Variants in OSBPL3 observed in about 807,000 individuals in gnomAD.
OSBPL3 encodes the protein oxysterol binding protein like 3.
A neutral mutation model predicts 120.1 loss-of-function variants in OSBPL3; 65 were observed. That is an observed-to-expected ratio of 0.54 (90% confidence interval 0.44 to 0.67). The LOEUF (loss-of-function observed/expected upper bound fraction) is 0.67, where lower values mean the gene tolerates loss of function less well. OSBPL3 is among the 30% of genes least tolerant of loss of function. The pLI, the probability that OSBPL3 is intolerant of heterozygous loss-of-function variation, is 0.00. For synonymous variants in OSBPL3, 416 were observed against 402.6 expected (o/e 1.03, Z -0.40); for missense variants, 1,004 against 1,082.1 (o/e 0.93, Z 1.01).
chr7:24,875,219 T>G (rs1562868298), intron 2 of OSBPL3, among the ~76,000 whole-genome samples: 1 of 152,240 alleles, frequency 6.6e-6, no homozygotes, highest in African/African-American at 2.4e-5. Flanking sequence ...ACTCTTGGGA[T>G]GTAAGTGCAG....
At position 24,835,622 on chromosome 7, in the gene OSBPL3, AT is replaced by A. The variant is rs1796903478; in HGVS notation, c.1496-887del. Among the ~76,000 whole-genome samples, 1 of 152,192 alleles carries A rather than the reference AT, an allele frequency of 6.6e-6. No homozygotes were observed. The highest frequency in any genetic ancestry group is 2.4e-5 in the African/African-American group (1 of 41,458). On this transcript the variant is annotated intron_variant, in intron 14 of 22. Transcript: ENST00000313367. This position sits in a 1 kb window ranked among gnomAD's most constrained non-coding sequence, Gnocchi z 4.8. The stretch of plus-strand genomic sequence containing the variant: ...TAAAGACGCATGCACGTGTATGTTT[AT>A]CACAGCACTATTCCCAACAGCAAAG...
Position 24,881,694 on chromosome 7 carries a change from T to A in OSBPL3, c.97-9625A>T, listed in dbSNP as rs1803703586. ...TCTTAGATTCCTGAGGCCAACTTGATGAGCAGTCACAAACTTTGGTGGCTT... is the reference window on the plus strand; with the variant it reads ...TCTTAGATTCCTGAGGCCAACTTGAAGAGCAGTCACAAACTTTGGTGGCTT... On this transcript the variant is annotated intron_variant, in intron 2 of 22. Transcript: ENST00000313367. The surrounding 1 kb of genome is among the most constrained non-coding windows in gnomAD (Gnocchi z 4.3). Among the ~76,000 whole-genome samples the A allele has an allele frequency of 1.3e-5, 2 of 152,216 alleles. No homozygotes were observed. The highest frequency in any genetic ancestry group is 1.3e-4 in the Admixed American group (2 of 15,292).
chr7:24,838,524 G>A (rs1797296118), intron 14 of OSBPL3, among the ~76,000 whole-genome samples: 1 of 152,120 alleles, frequency 6.6e-6, no homozygotes, highest in Non-Finnish European at 1.5e-5. Context: ...ATGTTAGTTA[G>A]CATTCTCGCA....
chr7:24,880,239 T>C (rs1803466649), intron 2 of OSBPL3, among the ~76,000 whole-genome samples: 1 of 152,200 alleles, frequency 6.6e-6, no homozygotes, highest in South Asian at 2.1e-4. Flanking sequence ...AATTAGTTTG[T>C]GCAAGATCAC....
At chr7:24,914,720 A>G (rs1809307494) in intron 1 of OSBPL3, among the ~76,000 whole-genome samples, 1 of 152,104 alleles carries the variant, frequency 6.6e-6, no homozygotes, top group African/African-American at 2.4e-5. Context: ...CATTTCCTCT[A>G]TTGTCTGGAT....
At position 24,972,311 on chromosome 7, in the gene OSBPL3, C is replaced by G. The variant is rs1007147495; in HGVS notation, c.-150+7575G>C. Among the ~76,000 whole-genome samples the G allele has an allele frequency of 6.6e-6, 1 of 152,228 alleles. No individual in the cohort carries two copies. The highest frequency in any genetic ancestry group is 2.4e-5 in the African/African-American group (1 of 41,470). On this transcript the variant is annotated intron_variant, in intron 1 of 22. Coordinates refer to ENST00000313367, the MANE Select transcript of OSBPL3 (RefSeq NM_015550.4). The surrounding 1 kb of genome is among the most constrained non-coding windows in gnomAD (Gnocchi z 4.3). ...CAGAAAGACACAAAAGGGCAGGACT[C>G]TGCTCATCTCATCCTCCTTTGAGGA...
rs1275512357 is a variant in OSBPL3 at position 24,877,554 on chromosome 7, T to C, written c.97-5485A>G. 1.3e-5 allele frequency among the ~76,000 whole-genome samples: 2 copies of C among 152,170 alleles called. No individual in the cohort carries two copies. Among genetic ancestry groups the C allele is most frequent in the African/African-American group, 4.8e-5 (2 of 41,446 alleles). ...CGTGAGGACAGGGACTGTGTCTTAT[T>C]TATTACAATCCTACTACCTGGGAAA... On this transcript the variant is annotated intron_variant, in intron 2 of 22. Coordinates refer to ENST00000313367, the MANE Select transcript of OSBPL3 (RefSeq NM_015550.4). The surrounding 1 kb of genome is among the most constrained non-coding windows in gnomAD (Gnocchi z 4.8).
At chr7:24,957,502 AT>A (rs1402886468) in intron 1 of OSBPL3, among the ~76,000 whole-genome samples, 1 of 152,188 alleles carries the variant, frequency 6.6e-6, no homozygotes, top group African/African-American at 2.4e-5. Context: ...TCCAGATAAA[AT>A]TGATAATAAA....
At chr7:24,880,621 C>G (rs545978466) in intron 2 of OSBPL3, among the ~76,000 whole-genome samples, 1 of 152,308 alleles carries the variant, frequency 6.6e-6, no homozygotes, top group East Asian at 1.9e-4. Flanking sequence ...ATATTTAAGT[C>G]TCAGAGTGTG....
Position 24,946,163 on chromosome 7 carries a change from G to A in OSBPL3, c.-150+33723C>T, listed in dbSNP as rs1260150591. Among the ~76,000 whole-genome samples, 2 of 152,108 alleles carry A rather than the reference G, an allele frequency of 1.3e-5. No homozygotes were observed. The highest frequency in any genetic ancestry group is 2.4e-5 in the African/African-American group (1 of 41,412). On this transcript the variant is annotated intron_variant, in intron 1 of 22. Transcript: ENST00000313367. The surrounding 1 kb of genome is among the most constrained non-coding windows in gnomAD (Gnocchi z 4.3). Reference sequence around the variant, plus strand: ...GAGCTCAGCTGGGAGCTCAGCTGGGGCTGCTGGCTGGGTCACCTACACATG... The same window carrying A: ...GAGCTCAGCTGGGAGCTCAGCTGGGACTGCTGGCTGGGTCACCTACACATG...
intron 1 of OSBPL3, among the ~76,000 whole-genome samples, chr7:24,976,446 T>C (rs560740262): frequency 6.6e-6 from 1 of 152,184 alleles, no homozygotes; most frequent in Non-Finnish European, 1.5e-5. Context: ...TGAACTAAGA[T>C]GCTGCAGGGC....
intron 1 of OSBPL3, among the ~76,000 whole-genome samples, chr7:24,979,574 C>T (rs1048541710): frequency 3.3e-5 from 5 of 152,348 alleles, no homozygotes; most frequent in Admixed American, 2.0e-4. Flanking sequence ...CTCCGCGCGC[C>T]GCGTCCTCCC....
At chr7:24,934,889 A>C (rs1453438274) in intron 1 of OSBPL3, among the ~76,000 whole-genome samples, 2 of 152,124 alleles carry the variant, frequency 1.3e-5, no homozygotes, top group Non-Finnish European at 2.9e-5. Flanking sequence ...GGGGGACTTA[A>C]TTATTTCTAC....
In OSBPL3 at chr7:24,819,251, CAA is replaced by C. The variant is rs143386888; in HGVS notation, c.1948+922_1948+923del. On this transcript the variant is annotated intron_variant, in intron 17 of 22. Transcript: ENST00000313367. The surrounding 1 kb of genome is among the most constrained non-coding windows in gnomAD (Gnocchi z 4.1). ...CTAGCAACAGACTGAGACTCCATTTCAAAAAAAAAAAAAAAAAATCCAACTTT... is the reference window on the plus strand; with the variant it reads ...CTAGCAACAGACTGAGACTCCATTTCAAAAAAAAAAAAAAAATCCAACTTT... 6.5e-4 allele frequency among the ~76,000 whole-genome samples: 71 copies of C among 109,016 alleles called. No individual in the cohort carries two copies. The highest frequency in any genetic ancestry group is 1.4e-3 in the South Asian group (5 of 3,666). The allele number at this position is 109,016 out of a possible 152,430, so 71.5% of individuals were successfully genotyped here. A position where few individuals can be genotyped will look rare whatever the true frequency, so the allele number is the denominator to read the frequency against.
intron 1 of OSBPL3, among the ~76,000 whole-genome samples, chr7:24,914,472 T>A (rs1809272614): frequency 6.6e-6 from 1 of 152,176 alleles, no homozygotes; most frequent in African/African-American, 2.4e-5. Context: ...ATGACTGGCA[T>A]CTGCTATACT....
rs1420586893 is a variant in OSBPL3 at position 24,819,334 on chromosome 7, C to T, written c.1948+841G>A. Among the ~76,000 whole-genome samples the T allele has an allele frequency of 6.6e-6, 1 of 151,632 alleles. No individual in the cohort carries two copies. The highest frequency in any genetic ancestry group is 1.5e-5 in the Non-Finnish European group (1 of 67,978). On this transcript the variant is annotated intron_variant, in intron 17 of 22. Transcript: ENST00000313367. This position sits in a 1 kb window ranked among gnomAD's most constrained non-coding sequence, Gnocchi z 4.1. ...TGAGTGAGATTTACCAATTAGGAGG[C>T]TAGGAACCTTATGAGAATATTTCCA...
chr7:24,955,698 C>T lies in OSBPL3; in HGVS notation c.-150+24188G>A, dbSNP rs1320536625. Among the ~76,000 whole-genome samples, 1 of 152,240 alleles carries T rather than the reference C, an allele frequency of 6.6e-6. No individual in the cohort carries two copies. The highest frequency in any genetic ancestry group is 2.4e-5 in the African/African-American group (1 of 41,462). On this transcript the variant is annotated intron_variant, in intron 1 of 22. Transcript: ENST00000313367. The surrounding 1 kb of genome is among the most constrained non-coding windows in gnomAD (Gnocchi z 4.3). ...CCCTGCTTTAATGTTCTCCACAGCACTTACTATCACCTGACATACATATTT... is the reference window on the plus strand; with the variant it reads ...CCCTGCTTTAATGTTCTCCACAGCATTTACTATCACCTGACATACATATTT...
intron 5 of OSBPL3, among the ~76,000 whole-genome samples, chr7:24,869,303 T>C (rs959358164): frequency 6.6e-6 from 1 of 152,220 alleles, no homozygotes; most frequent in African/African-American, 2.4e-5. Flanking sequence ...TAAGAACCTA[T>C]TAATTCCTGA....
rs892223949 is a variant in OSBPL3, at chr7:24,962,879, T to C, written c.-150+17007A>G. On this transcript the variant is annotated intron_variant, in intron 1 of 22. Transcript: ENST00000313367. ...AAACAAATGCCCTAATACAGCACCA[T>C]TGTTGAATTCTTTTAAAACCCTTTA... Among the ~76,000 whole-genome samples the C allele has an allele frequency of 2.6e-5, 4 of 152,288 alleles. No homozygotes were observed. In the East Asian group the frequency reaches 7.7e-4, roughly 29 times the overall value.
Sources: gnomAD v4.1 joint callset for allele counts (sites outside exome capture counted in the v4.1 genomes callset) on GRCh38, gnomAD v4.1.1 for gene constraint, Gnocchi (gnomAD v3.1) non-coding constraint, MANE v1.5 for transcripts, NCBI Gene and HGNC (gene_info 2026-07-23, HGNC 2026-07-21) for gene names.